Variants in TMEM108 observed in about 807,000 individuals in gnomAD.
TMEM108 encodes transmembrane protein 108, also known as cancer/testis antigen 124.
A neutral mutation model predicts 35.1 loss-of-function variants in TMEM108; 12 were observed. The observed-to-expected ratio is 0.34, with a 90% CI of 0.22 to 0.55. The LOEUF is 0.55. TMEM108 is among the 20% of genes least tolerant of loss of function. The pLI is 0.89. For synonymous variants in TMEM108, 287 were observed against 308.6 expected, an observed-to-expected ratio of 0.93 and a Z score of 0.73; for missense variants, 680 against 753.3, an observed-to-expected ratio of 0.90 and a Z score of 1.14.
chr3:133,067,041 A>G (rs1159095152), intron 2 of TMEM108, among the ~76,000 whole-genome samples: 1 of 152,112 alleles, frequency 6.6e-6, no homozygotes, highest in Non-Finnish European at 1.5e-5. Context: ...CCATTTCCTT[A>G]TGAACAACAA....
At chr3:133,112,213 A>T (rs1944233918) in intron 2 of TMEM108, among the ~76,000 whole-genome samples, 1 of 152,070 alleles carries the variant, frequency 6.6e-6, no homozygotes, top group East Asian at 1.9e-4. Context: ...GGTCATGGAT[A>T]CCCCTCCAGG....
chr3:133,236,305 G>T (rs1426319987), intron 3 of TMEM108, among the ~76,000 whole-genome samples: 1 of 152,098 alleles, frequency 6.6e-6, no homozygotes, highest in Non-Finnish European at 1.5e-5. Flanking sequence ...ACTGTCTGTA[G>T]GTCCCTATCT....
At chr3:133,383,506 T>A (rs2073066517) in intron 4 of TMEM108, among the ~76,000 whole-genome samples, 1 of 152,226 alleles carries the variant, frequency 6.6e-6, no homozygotes. Flanking sequence ...CCTCCCTCTT[T>A]GAGCTGGATA....
At chr3:133,206,086 A>G (rs988453998) in intron 2 of TMEM108, among the ~76,000 whole-genome samples, 1 of 152,134 alleles carries the variant, frequency 6.6e-6, no homozygotes, top group Admixed American at 6.5e-5. Context: ...TGCCTGATCA[A>G]TTCAGCTATT....
chr3:133,285,406 C>A (rs1946969877), intron 3 of TMEM108, among the ~76,000 whole-genome samples: 1 of 152,058 alleles, frequency 6.6e-6, no homozygotes, highest in Admixed American at 6.6e-5. Context: ...GAAGGAAGTC[C>A]ACCCTTCCTA....
At chr3:133,159,571 T>C (rs1168525810) in intron 2 of TMEM108, among the ~76,000 whole-genome samples, 1 of 152,192 alleles carries the variant, frequency 6.6e-6, no homozygotes, top group African/African-American at 2.4e-5. Flanking sequence ...CCCACTATGA[T>C]GATGATAACC....
chr3:133,087,915 C>T (rs1001473079), intron 2 of TMEM108, among the ~76,000 whole-genome samples: 2 of 152,020 alleles, frequency 1.3e-5, no homozygotes, highest in African/African-American at 4.8e-5. Flanking sequence ...TACGTGGTGC[C>T]TTTGAGAGAG....
intron 1 of TMEM108, among the ~76,000 whole-genome samples, chr3:133,040,253 G>A (rs1236607552): frequency 6.7e-6 from 1 of 149,594 alleles, no homozygotes; most frequent in East Asian, 2.0e-4. Context: ...ACCCAGGCTG[G>A]AGTGCAGTGG....
intron 2 of TMEM108, among the ~76,000 whole-genome samples, chr3:133,197,880 C>G (rs1370898739): frequency 6.6e-6 from 1 of 152,164 alleles, no homozygotes; most frequent in Non-Finnish European, 1.5e-5. Context: ...AATGACTGGT[C>G]CTCTGGTTTG....
rs2072918066 is a variant in TMEM108, at chr3:133,378,809, T to TA, written c.41-943_41-942insA. 4.6e-5 allele frequency among the ~76,000 whole-genome samples: 7 copies of TA among 152,040 alleles called. No homozygotes were observed. In the South Asian group the frequency reaches 1.3e-3, roughly 27 times the overall value. ...TTGGCTATCATACAAAATCCTTTTT[T>TA]TTTTTTTTTTTTTAATGTTCAAAAG... On this transcript the variant is annotated intron_variant, in intron 3 of 5. Transcript: ENST00000321871.
Position 133,170,755 on chromosome 3 carries a change from T to C in TMEM108, c.-46-58511T>C, listed in dbSNP as rs528684384. 2.2e-4 allele frequency among the ~76,000 whole-genome samples: 33 copies of C among 152,306 alleles called. 1 individual carries two copies. In the South Asian group the frequency reaches 5.0e-3, roughly 23 times the overall value. Reference sequence around the variant, plus strand: ...GATCTCCAAGGTATGATAGGAGATATATCAGTATATATCAGTTAATACATA... The same window carrying C: ...GATCTCCAAGGTATGATAGGAGATACATCAGTATATATCAGTTAATACATA... On this transcript the variant is annotated intron_variant, in intron 2 of 5. Transcript: ENST00000321871.
intron 2 of TMEM108, among the ~76,000 whole-genome samples, chr3:133,224,812 A>T (rs1365068187): frequency 1.3e-5 from 2 of 151,802 alleles, no homozygotes; most frequent in African/African-American, 4.8e-5. Flanking sequence ...TATGTGCATA[A>T]AACAAGAAGC....
rs1553775160 is a variant in TMEM108 at position 133,390,167 on chromosome 3, A to G, written c.1451-13A>G. 4.0e-5 allele frequency: 65 copies of G among 1,613,742 alleles called. No homozygotes were observed. The highest frequency in any genetic ancestry group is 3.3e-4 in the Middle Eastern group (2 of 6,082). ...TGCCTCCCTCTCCTCTCTGACTTGC[A>G]CTCTCTCCATAGCTGTCCTGCTGAC... On this transcript the variant is annotated splice_polypyrimidine_tract_variant and intron_variant, in intron 4 of 5. Transcript: ENST00000321871.
chr3:133,155,060 C>T (rs533196778), intron 2 of TMEM108, among the ~76,000 whole-genome samples: 33 of 152,040 alleles, frequency 2.2e-4, no homozygotes, highest in African/African-American at 2.9e-4. Flanking sequence ...TCTTTGTGTC[C>T]GTGTGTTCTT....
chr3:133,250,592 TC>T (rs1946454323), intron 3 of TMEM108, among the ~76,000 whole-genome samples: 1 of 152,218 alleles, frequency 6.6e-6, no homozygotes, highest in African/African-American at 2.4e-5. Flanking sequence ...CCTGCATTGT[TC>T]AAGGGTCAAC....
At chr3:133,046,780 C>A (rs5001903) in intron 2 of TMEM108, among the ~76,000 whole-genome samples, 60,968 of 151,960 alleles carry the variant, frequency 0.4, 12,816 homozygotes, top group Admixed American at 0.5. Flanking sequence ...CTAAAACCAG[C>A]CTCCTTGAAG....
intron 2 of TMEM108, among the ~76,000 whole-genome samples, chr3:133,141,574 A>T (rs1300752875): frequency 6.6e-6 from 1 of 152,144 alleles, no homozygotes; most frequent in Admixed American, 6.6e-5. Context: ...GCCTGCTGGT[A>T]AAAGGCTTTC....
At chr3:133,053,689 G>C (rs1272386366) in intron 2 of TMEM108, among the ~76,000 whole-genome samples, 1 of 152,204 alleles carries the variant, frequency 6.6e-6, no homozygotes, top group African/African-American at 2.4e-5. Context: ...ATGGAGTCAG[G>C]ACTTAGGAGC....
chr3:133,079,059 G>A (rs905385082), intron 2 of TMEM108, among the ~76,000 whole-genome samples: 11 of 152,128 alleles, frequency 7.2e-5, no homozygotes, highest in African/African-American at 2.2e-4. Context: ...GAGAAGTGCC[G>A]GTGGTATATA....
Sources: allele counts gnomAD v4.1 joint callset (sites outside exome capture counted in the v4.1 genomes callset), GRCh38; gene constraint gnomAD v4.1.1; transcripts MANE v1.5; gene names NCBI Gene and HGNC (gene_info 2026-07-23, HGNC 2026-07-21).